ZDHHC11B: variants seen among roughly 807,000 people sequenced by gnomAD.
The protein encoded by ZDHHC11B is probable palmitoyltransferase ZDHHC11B.
A neutral mutation model predicts 42.3 loss-of-function variants in ZDHHC11B; 17 were observed. That is an observed-to-expected ratio of 0.40 (90% CI 0.27 to 0.60). ZDHHC11B has a LOEUF of 0.60. ZDHHC11B is among the 20% of genes least tolerant of loss of function. The pLI is 0.41. For missense variants in ZDHHC11B, 262 were observed against 463.2 expected, an observed-to-expected ratio of 0.57 and a Z score of 3.99; for synonymous variants, 123 against 193.5, an observed-to-expected ratio of 0.64 and a Z score of 3.02.
intron 12 of ZDHHC11B, among the ~76,000 whole-genome samples, chr5:726,051 G>A (rs543792251): frequency 7.5e-6 from 1 of 133,496 alleles, no homozygotes; most frequent in African/African-American, 2.9e-5. Context: ...GGTCAGCTAC[G>A]TCCACCCATT....
intron 9 of ZDHHC11B, among the ~76,000 whole-genome samples, chr5:742,493 T>TGG (rs1561138333): frequency 9.5e-6 from 1 of 105,220 alleles, no homozygotes. Context: ...ACAGAAACTG[T>TGG]TTTTTCACAA....
chr5:766,694 A>C lies in ZDHHC11B; in HGVS notation c.222+4T>G. On this transcript the variant is annotated splice_donor_region_variant and intron_variant, in intron 4 of 13. Transcript: ENST00000508859. ...CTTAGACCATGCCACGATGAAAAGG[A>C]TACCACATAGGCGATGTATTTCCAC... 1 of 1,605,082 alleles carries C rather than the reference A, an allele frequency of 6.2e-7. No individual in the cohort carries two copies. The highest frequency in any genetic ancestry group is 8.5e-7 in the Non-Finnish European group (1 of 1,175,030).
At chr5:784,638 C>T (rs1206165141) in intron 1 of ZDHHC11B, among the ~76,000 whole-genome samples, 30 bp downstream of exon 1, 1 of 151,408 alleles carries the variant, frequency 6.6e-6, no homozygotes, top group Non-Finnish European at 1.5e-5. Context: ...CCGCGCCGCG[C>T]CCGCAGGACC....
chr5:765,644 C>T (rs1273634546), intron 4 of ZDHHC11B, among the ~76,000 whole-genome samples: 2 of 151,866 alleles, frequency 1.3e-5, no homozygotes, highest in East Asian at 1.9e-4. Flanking sequence ...TTCTTTTGCT[C>T]TTTGCAATAC....
chr5:738,215 A>G (rs1433693102), intron 10 of ZDHHC11B, among the ~76,000 whole-genome samples: 624 of 4,294 alleles, frequency 0.15, no homozygotes, highest in African/African-American at 0.19. Context: ...AAAGAAAAAA[A>G]AACAACTTAG....
intron 12 of ZDHHC11B, among the ~76,000 whole-genome samples, chr5:724,233 T>TCC (rs1579252097): frequency 6.7e-6 from 1 of 149,234 alleles, no homozygotes; most frequent in East Asian, 2.0e-4. Flanking sequence ...TGAGACATAG[T>TCC]CTCACTCTGT....
intron 12 of ZDHHC11B, among the ~76,000 whole-genome samples, chr5:719,508 G>T (rs1397919724): frequency 5.9e-5 from 9 of 151,274 alleles, no homozygotes; most frequent in Admixed American, 5.9e-4. Flanking sequence ...AAAGAAACTG[G>T]AGCTGGAAAG....
chr5:742,190 T>C (rs418755), intron 9 of ZDHHC11B, among the ~76,000 whole-genome samples: 14,501 of 134,166 alleles, frequency 0.11, 1,050 homozygotes, highest in African/African-American at 0.33. Context: ...TGTAGAGATG[T>C]TCAGGCTGGT....
intron 1 of ZDHHC11B, among the ~76,000 whole-genome samples, chr5:770,019 G>T (rs577926898): frequency 1.3e-5 from 2 of 151,874 alleles, no homozygotes; most frequent in African/African-American, 4.8e-5. Flanking sequence ...CAACTCCAGC[G>T]ACAGCTTCTT....
chr5:750,578 G>A (rs1451710854), intron 7 of ZDHHC11B, among the ~76,000 whole-genome samples: 2 of 130,496 alleles, frequency 1.5e-5, no homozygotes, highest in Non-Finnish European at 3.4e-5. Context: ...ACGGGATCTG[G>A]GTTAGGCGTG....
At chr5:766,420 A>G (rs780066710) in intron 4 of ZDHHC11B, among the ~76,000 whole-genome samples, 1 of 151,824 alleles carries the variant, frequency 6.6e-6, no homozygotes, top group Admixed American at 6.6e-5. Context: ...GCCATGTGGG[A>G]GCGGTCTGAC....
At chr5:742,485 A>ATTT (rs2127045342) in intron 9 of ZDHHC11B, among the ~76,000 whole-genome samples, 1 of 62,106 alleles carries the variant, frequency 1.6e-5, no homozygotes, top group South Asian at 5.8e-4. Context: ...TGCACTTCAC[A>ATTT]GAAACTGTTT....
intron 4 of ZDHHC11B, among the ~76,000 whole-genome samples, chr5:765,624 G>A (rs1735185799): frequency 6.6e-6 from 1 of 151,830 alleles, no homozygotes; most frequent in Non-Finnish European, 1.5e-5. Flanking sequence ...TCCACATTGT[G>A]GAAGTTTTGT....
Position 715,483 on chromosome 5 carries a change from G to A in ZDHHC11B, c.*7+1318C>T, listed in dbSNP as rs535222134. On this transcript the variant is annotated intron_variant, in intron 13 of 13. Transcript: ENST00000508859. ...CATACCACTGAGACAATTTTTTACA[G>A]CACCAATTTACTTCTTCTTTCCTTG... 2.7e-4 allele frequency among the ~76,000 whole-genome samples: 40 copies of A among 149,626 alleles called. 2 individuals are homozygous for A. The highest frequency in any genetic ancestry group is 9.2e-4 in the African/African-American group (37 of 40,380).
At chr5:729,826 AT>A (rs1196956496) in intron 12 of ZDHHC11B, among the ~76,000 whole-genome samples, 1 of 151,848 alleles carries the variant, frequency 6.6e-6, no homozygotes, top group Admixed American at 6.6e-5. Flanking sequence ...GTGTGAGTAG[AT>A]TTCCTATTAC....
intron 12 of ZDHHC11B, among the ~76,000 whole-genome samples, chr5:722,734 T>G (rs1347673646): frequency 6.6e-6 from 1 of 151,402 alleles, no homozygotes; most frequent in Admixed American, 6.6e-5. Context: ...AGCAAAAAAC[T>G]GGAAGCCATC....
At position 776,486 on chromosome 5, in the gene ZDHHC11B, G is replaced by A. The variant is rs570026074; in HGVS notation, c.-229-7556C>T. ...GTAGGCCCCTGGCCAGCAGGGCTGA[G>A]GGGAAAGTCTCCACTGCAAGGCGCC... On this transcript the variant is annotated intron_variant, in intron 1 of 13. Coordinates refer to ENST00000508859, the MANE Select transcript of ZDHHC11B (RefSeq NM_001351303.2). 2.6e-5 allele frequency among the ~76,000 whole-genome samples: 4 copies of A among 152,046 alleles called. 1 individual carries two copies. The highest frequency in any genetic ancestry group is 9.6e-5 in the African/African-American group (4 of 41,490).
rs1400045404 is a variant in ZDHHC11B at position 737,318 on chromosome 5, TA to T, written c.936-3480del. On this transcript the variant is annotated intron_variant, in intron 10 of 13. Coordinates refer to ENST00000508859, the MANE Select transcript of ZDHHC11B (RefSeq NM_001351303.2). Reference sequence around the variant, plus strand: ...ACAAGTAGCGAGATTGAAACAGTAATAAAAAAATTGCCAACTAAAATATCCA... The same window carrying T: ...ACAAGTAGCGAGATTGAAACAGTAATAAAAAATTGCCAACTAAAATATCCA... Among the ~76,000 whole-genome samples the T allele has an allele frequency of 9.4e-5, 14 of 148,540 alleles. 3 individuals carry two copies. Among genetic ancestry groups the T allele is most frequent in the African/African-American group, 3.3e-4 (13 of 39,702 alleles).
chr5:724,662 T>TAC (rs58690111), intron 12 of ZDHHC11B, among the ~76,000 whole-genome samples: 30,724 of 143,804 alleles, frequency 0.21, 3,191 homozygotes, highest in South Asian at 0.33. Flanking sequence ...GACCATCAGT[T>TAC]ACACACACAC....
Sources: allele counts gnomAD v4.1 joint callset (sites outside exome capture counted in the v4.1 genomes callset), GRCh38; gene constraint gnomAD v4.1.1; transcripts MANE v1.5; gene names NCBI Gene and HGNC (gene_info 2026-07-23, HGNC 2026-07-21).